The following PPM1L variants were observed in gnomAD, a reference collection of about 807,000 sequenced individuals.
PPM1L encodes protein phosphatase, Mg2+/Mn2+ dependent 1L.
A neutral mutation model predicts 31.4 loss-of-function variants in PPM1L; 13 were observed. The observed-to-expected ratio is 0.41, with a 90% CI of 0.27 to 0.66. PPM1L has a LOEUF of 0.66. Ranked by LOEUF, PPM1L falls within the 30% of genes least tolerant of loss-of-function variation. PPM1L has a pLI of 0.29. For missense variants in PPM1L, 326 were observed against 453.7 expected (o/e 0.72, Z 2.56); for synonymous variants, 184 against 175.4 (o/e 1.05, Z -0.39).
At chr3:161,063,735 C>T (rs1361185721) in intron 2 of PPM1L, among the ~76,000 whole-genome samples, 2 of 152,180 alleles carry the variant, frequency 1.3e-5, no homozygotes, top group African/African-American at 4.8e-5. Context: ...TTTATTGCAG[C>T]ACTATTCACA....
chr3:161,005,349 A>T (rs1463192852), intron 2 of PPM1L, among the ~76,000 whole-genome samples: 4 of 152,216 alleles, frequency 2.6e-5, no homozygotes, highest in African/African-American at 4.8e-5. Context: ...AAAGTGAGTT[A>T]TGTATGAAGC....
At chr3:160,801,792 A>G (rs1712433785) in intron 1 of PPM1L, among the ~76,000 whole-genome samples, 1 of 152,160 alleles carries the variant, frequency 6.6e-6, no homozygotes. Flanking sequence ...TTTGACTGTC[A>G]TATATGGGAG....
At chr3:160,850,646 C>G (rs1393989401) in intron 1 of PPM1L, among the ~76,000 whole-genome samples, 4 of 152,108 alleles carry the variant, frequency 2.6e-5, no homozygotes, top group African/African-American at 9.7e-5. Flanking sequence ...CAAAAAGAAA[C>G]ATCATTTTGG....
At chr3:160,946,694 T>C (rs1715422405) in intron 1 of PPM1L, among the ~76,000 whole-genome samples, 1 of 152,138 alleles carries the variant, frequency 6.6e-6, no homozygotes, top group South Asian at 2.1e-4. Context: ...AAGGTGGGAT[T>C]TGGAGTGGGG....
intron 1 of PPM1L, among the ~76,000 whole-genome samples, chr3:160,915,621 A>T (rs1449651530): frequency 6.6e-6 from 1 of 152,190 alleles, no homozygotes; most frequent in Non-Finnish European, 1.5e-5. Flanking sequence ...AAGCCAAAAG[A>T]ACAAAGCTGG....
chr3:161,031,502 C>CTTTTTTTCTTTTTTTT (rs1718564768), intron 2 of PPM1L, among the ~76,000 whole-genome samples: 1 of 101,686 alleles, frequency 9.8e-6, no homozygotes, highest in East Asian at 4.2e-4. Flanking sequence ...GTATTCTGTC[C>CTTTTTTTCTTTTTTTT]TTTTTTTTTT....
Position 161,078,856 on chromosome 3 carries a change from A to T in PPM1L, c.*9699A>T, listed in dbSNP as rs954282865. On this transcript the variant is annotated 3_prime_UTR_variant, in exon 4 of 4. Transcript: ENST00000498165. ...AAAATGAACAGCTAAAAATTTACCC[A>T]TGACAAGATTAAAGCAAAAATAAAC... 1 of 152,356 alleles carries T rather than the reference A, an allele frequency of 6.6e-6. No individual in the cohort carries two copies. Among genetic ancestry groups the T allele is most frequent in the South Asian group, 2.1e-4 (1 of 4,826 alleles). 9.4% of individuals were successfully genotyped at this position (152,356 alleles called of 1,614,324 possible).
chr3:160,831,555 C>T (rs768162337), intron 1 of PPM1L, among the ~76,000 whole-genome samples: 5 of 152,150 alleles, frequency 3.3e-5, no homozygotes, highest in African/African-American at 4.8e-5. Flanking sequence ...AAAAAGATTT[C>T]GAGGAGCAGG....
At chr3:160,927,978 T>G (rs1714658298) in intron 1 of PPM1L, among the ~76,000 whole-genome samples, 1 of 152,142 alleles carries the variant, frequency 6.6e-6, no homozygotes, top group Admixed American at 6.5e-5. Flanking sequence ...ACTAAACCAG[T>G]TAGTGAACAA....
chr3:161,032,542 C>T (rs1238669513), intron 2 of PPM1L, among the ~76,000 whole-genome samples: 2 of 152,134 alleles, frequency 1.3e-5, no homozygotes, highest in Non-Finnish European at 2.9e-5. Flanking sequence ...AGGTGTTCAA[C>T]TAACACCTAG....
intron 1 of PPM1L, among the ~76,000 whole-genome samples, chr3:160,895,728 C>A (rs982715431): frequency 3.3e-5 from 5 of 152,092 alleles, no homozygotes; most frequent in African/African-American, 1.2e-4. Context: ...TCACCTCAAA[C>A]CCCCAATATC....
chr3:160,856,431 T>TA (rs1382444550), intron 1 of PPM1L, among the ~76,000 whole-genome samples: 1 of 152,030 alleles, frequency 6.6e-6, no homozygotes, highest in Non-Finnish European at 1.5e-5. Context: ...ATGGACTGGA[T>TA]AAAAAAATTG....
rs1173666587 is a variant in PPM1L, at chr3:160,944,767, C to T, written c.400-16969C>T. Among the ~76,000 whole-genome samples, 189 of 48,678 alleles carry T rather than the reference C, an allele frequency of 3.9e-3. 53 individuals are homozygous for T. The highest frequency in any genetic ancestry group is 8.8e-3 in the Non-Finnish European group (128 of 14,566). 31.9% of individuals were successfully genotyped at this position (48,678 alleles called of 152,430 possible). A position where few individuals can be genotyped will look rare whatever the true frequency, so the allele number is the denominator to read the frequency against. On this transcript the variant is annotated intron_variant, in intron 1 of 3. Transcript: ENST00000498165. Reference sequence around the variant, plus strand: ...TATATAATATATATGTTATATATAACATGTTATATATTATATTATATATGT... The same window carrying T: ...TATATAATATATATGTTATATATAATATGTTATATATTATATTATATATGT...
intron 1 of PPM1L, among the ~76,000 whole-genome samples, chr3:160,927,403 A>G (rs972519617): frequency 6.6e-6 from 1 of 152,182 alleles, no homozygotes; most frequent in African/African-American, 2.4e-5. Flanking sequence ...GCAACTTTTG[A>G]ACAACAACAT....
At chr3:161,060,720 G>A (rs1018155621) in intron 2 of PPM1L, among the ~76,000 whole-genome samples, 2 of 124,752 alleles carry the variant, frequency 1.6e-5, no homozygotes, top group African/African-American at 3.5e-5. Flanking sequence ...ATGTGAATTC[G>A]CTTTTTTTTT....
chr3:160,842,088 G>T (rs1713898886), intron 1 of PPM1L: 2 of 551,488 alleles, frequency 3.6e-6, no homozygotes, highest in East Asian at 2.9e-5. Flanking sequence ...AGCCCCAGAT[G>T]AGTGGGTTGG....
chr3:161,023,814 TTTTTTTTCACTTC>T (rs1718302926), intron 2 of PPM1L, among the ~76,000 whole-genome samples: 1 of 152,000 alleles, frequency 6.6e-6, no homozygotes, highest in Admixed American at 6.6e-5. Context: ...GCATTTCTTA[TTTTTTTTCACTTC>T]TTGCTTGTGT....
chr3:160,779,027 T>C (rs1711655413), intron 1 of PPM1L, among the ~76,000 whole-genome samples: 1 of 152,140 alleles, frequency 6.6e-6, no homozygotes, highest in Admixed American at 6.5e-5. Context: ...CTAAAAATGC[T>C]TTGTTTTCCC....
At chr3:161,029,601 C>T (rs2108078720) in intron 2 of PPM1L, among the ~76,000 whole-genome samples, 1 of 152,238 alleles carries the variant, frequency 6.6e-6, no homozygotes, top group Admixed American at 6.5e-5. Flanking sequence ...TCTCTAAAAG[C>T]ACATTCTTAT....
Sources: gnomAD v4.1 joint callset for allele counts (sites outside exome capture counted in the v4.1 genomes callset) on GRCh38, gnomAD v4.1.1 for gene constraint, MANE v1.5 for transcripts, NCBI Gene and HGNC (gene_info 2026-07-23, HGNC 2026-07-21) for gene names.